BICD1: variants seen among roughly 807,000 people sequenced by gnomAD.
The protein encoded by BICD1 is protein bicaudal D homolog 1.
In BICD1, 35 loss-of-function variants were observed where a neutral mutation model predicts 92.5. The ratio of observed to expected loss-of-function variants is 0.38; its 90% CI spans 0.29 to 0.50. The LOEUF (loss-of-function observed/expected upper bound fraction) is 0.50, where lower values mean the gene tolerates loss of function less well. BICD1 is among the 20% of genes least tolerant of loss of function. The probability of loss-of-function intolerance (pLI) is 0.93; values close to 1 mark genes in which losing one functional copy is unlikely to be tolerated. For synonymous variants in BICD1, 429 were observed against 465.1 expected (o/e 0.92, Z 1.00); for missense variants, 950 against 1,189.8 (o/e 0.80, Z 2.97).
At chr12:32,166,762 G>A (rs558674971) in intron 1 of BICD1, among the ~76,000 whole-genome samples, 3 of 152,294 alleles carry the variant, frequency 2.0e-5, no homozygotes, top group South Asian at 2.1e-4. Flanking sequence ...TCCCTGTACC[G>A]TATGTAGTCC....
chr12:32,146,441 A>C (rs1943105377), intron 1 of BICD1, among the ~76,000 whole-genome samples: 1 of 152,090 alleles, frequency 6.6e-6, no homozygotes, highest in Non-Finnish European at 1.5e-5. Flanking sequence ...GCTGGTAGGC[A>C]GGTGGAAATA....
intron 2 of BICD1, among the ~76,000 whole-genome samples, chr12:32,222,381 C>T (rs949917157): frequency 1.3e-5 from 2 of 152,206 alleles, no homozygotes; most frequent in Non-Finnish European, 2.9e-5. Context: ...ATCTTTCTAA[C>T]AACCCTACTG....
intron 2 of BICD1, among the ~76,000 whole-genome samples, chr12:32,232,810 T>C (rs1179737255): frequency 6.6e-6 from 1 of 152,196 alleles, no homozygotes; most frequent in Admixed American, 6.5e-5. Context: ...TACATATGGC[T>C]AGCCAGTTTT....
In BICD1 at chr12:32,377,794, A is replaced by AT; in HGVS notation, c.*167_*168insT. 1.8e-6 allele frequency: 1 copy of AT among 551,942 alleles called. No homozygotes were observed. The highest frequency in any genetic ancestry group is 3.2e-6 in the Non-Finnish European group (1 of 315,308). The allele number at this position is 551,942 out of a possible 1,614,324, so 34.2% of individuals were successfully genotyped here. A position where few individuals can be genotyped will look rare whatever the true frequency, so the allele number is the denominator to read the frequency against. ...AAGTTGAGAAGAACACGAAGCACAG[A>AT]CCCTGATGTGATAAAACATTTTGTG... On this transcript the variant is annotated 3_prime_UTR_variant, in exon 10 of 10. Coordinates refer to ENST00000652176, the MANE Select transcript of BICD1 (RefSeq NM_001714.4).
chr12:32,292,471 C>CT (rs913466457), intron 2 of BICD1, among the ~76,000 whole-genome samples: 8 of 152,060 alleles, frequency 5.3e-5, no homozygotes, highest in African/African-American at 1.9e-4. Flanking sequence ...TTCAACATGT[C>CT]TTTTTTGGGA....
At chr12:32,109,903 G>A (rs1715679641) in intron 1 of BICD1, among the ~76,000 whole-genome samples, 1 of 152,044 alleles carries the variant, frequency 6.6e-6, no homozygotes, top group Non-Finnish European at 1.5e-5. Flanking sequence ...AATATTTTGT[G>A]AGTGTTTTGA....
chr12:32,216,247 G>A lies in BICD1; in HGVS notation c.214G>A (p.Ala72Thr). 1 of 1,613,110 alleles carries A rather than the reference G, an allele frequency of 6.2e-7. No homozygotes were observed. Among genetic ancestry groups the A allele is most frequent in the South Asian group, 1.1e-5 (1 of 90,992 alleles). Residue 72 changes from alanine (A) to threonine (T), a missense_variant and splice_region_variant, in exon 2 of 10, where the codon GCA (alanine) becomes ACA (threonine). Physicochemically the swap from Ala to Thr is moderately conservative, Grantham distance 58. Around this residue, in one of 5 missense-constraint regions of BICD1, gnomAD observed 202 missense variants for 205.3 expected, o/e 0.98. Transcript: ENST00000652176. ...LKQELEQLKE[A>T]FGQSFSIHRK... ...CTTTTTCTTCCCATATACTCTGCAG[G>A]CATTTGGGCAGTCCTTCTCCATCCA...
intron 1 of BICD1, among the ~76,000 whole-genome samples, chr12:32,131,369 C>T (rs1212928387): frequency 6.6e-6 from 1 of 152,132 alleles, no homozygotes; most frequent in Admixed American, 6.5e-5. Flanking sequence ...TTTTCTATTT[C>T]GGTGGCTCCA....
At chr12:32,222,842 A>C (rs759461025) in intron 2 of BICD1, among the ~76,000 whole-genome samples, 8 of 152,176 alleles carry the variant, frequency 5.3e-5, no homozygotes, top group South Asian at 2.1e-4. Flanking sequence ...CGGAGGACAC[A>C]GCAACAAGGT....
chr12:32,338,013 TAACC>T, intron 7 of BICD1, 197 bp downstream of exon 7: 1 of 574,524 alleles, frequency 1.7e-6, no homozygotes, highest in Non-Finnish European at 3.1e-6. Context: ...TAGTCCTTTC[TAACC>T]CCCTGCCCAA....
rs183293386 is a variant in BICD1, at chr12:32,247,102, C to T, written c.426+30643C>T. 8.6e-5 allele frequency among the ~76,000 whole-genome samples: 13 copies of T among 151,664 alleles called. No individual in the cohort carries two copies. In the East Asian group the frequency reaches 2.3e-3, roughly 27 times the overall value. On this transcript the variant is annotated intron_variant, in intron 2 of 9. Coordinates refer to ENST00000652176, the MANE Select transcript of BICD1 (RefSeq NM_001714.4). ...CAAAACCTTGTTTCTACAAAAAATA[C>T]AAAAATTAGCCCGGTATGGTGGTGT...
chr12:32,306,160 T>C, intron 4 of BICD1, 38 bp downstream of exon 4: 1 of 1,514,402 alleles, frequency 6.6e-7, no homozygotes, highest in Non-Finnish European at 8.8e-7. Context: ...GTGAATTTCT[T>C]GTAGATTGCA....
chr12:32,281,183 G>T (rs1354279345), intron 2 of BICD1, among the ~76,000 whole-genome samples: 1 of 152,052 alleles, frequency 6.6e-6, no homozygotes, highest in African/African-American at 2.4e-5. Context: ...CTCTTTCCCA[G>T]CTATGACAGA....
At chr12:32,349,689 G>A (rs1001079355) in intron 8 of BICD1, among the ~76,000 whole-genome samples, 1 of 151,818 alleles carries the variant, frequency 6.6e-6, no homozygotes, top group African/African-American at 2.4e-5. Context: ...CCCAAGAAAA[G>A]GGAATGTTTC....
chr12:32,285,712 T>C (rs1947544827), intron 2 of BICD1, among the ~76,000 whole-genome samples: 1 of 152,318 alleles, frequency 6.6e-6, no homozygotes, highest in South Asian at 2.1e-4. Flanking sequence ...CTCAGCTCCC[T>C]GGAGGTGAAA....
intron 8 of BICD1, among the ~76,000 whole-genome samples, chr12:32,341,038 C>G (rs1326695269): frequency 6.6e-6 from 1 of 152,204 alleles, no homozygotes; most frequent in Non-Finnish European, 1.5e-5. Flanking sequence ...CATTGGGAAT[C>G]TTTCTGCTAC....
At chr12:32,256,440 G>A (rs1269141285) in intron 2 of BICD1, among the ~76,000 whole-genome samples, 1 of 152,090 alleles carries the variant, frequency 6.6e-6, no homozygotes, top group Non-Finnish European at 1.5e-5. Flanking sequence ...TCATAAAACC[G>A]AACCTTAAGG....
chr12:32,339,926 G>C (rs1399687284), intron 8 of BICD1: 3 of 846,694 alleles, frequency 3.5e-6, no homozygotes, highest in Non-Finnish European at 4.3e-6. Context: ...GTTCACGCAT[G>C]TCAACACCTG....
intron 1 of BICD1, among the ~76,000 whole-genome samples, chr12:32,176,198 T>A (rs1368044463): frequency 6.6e-6 from 1 of 152,246 alleles, no homozygotes; most frequent in Non-Finnish European, 1.5e-5. Flanking sequence ...ACTTCACATG[T>A]AAGTCTCTGT....
Sources: allele counts gnomAD v4.1 joint callset (sites outside exome capture counted in the v4.1 genomes callset), GRCh38; gene constraint gnomAD v4.1.1; regional missense constraint gnomAD v4.1.1; transcripts MANE v1.5; gene names NCBI Gene and HGNC (gene_info 2026-07-23, HGNC 2026-07-21).